DYNC2H1: variants seen among roughly 807,000 people sequenced by gnomAD.
DYNC2H1 encodes the protein dynein cytoplasmic 2 heavy chain 1, also known as cytoplasmic dynein 2 heavy chain 1.
A neutral mutation model predicts 570.0 loss-of-function variants in DYNC2H1; 410 were observed. The ratio of observed to expected loss-of-function variants is 0.72; its 90% CI spans 0.66 to 0.78. The LOEUF (loss-of-function observed/expected upper bound fraction) is 0.78. Among genes scored for constraint, DYNC2H1 ranks in the 30% least tolerant of loss-of-function variants. The pLI, the probability that DYNC2H1 is intolerant of heterozygous loss-of-function variation, is 0.00. For missense variants in DYNC2H1, 4,865 were observed against 5,046.4 expected, an observed-to-expected ratio of 0.96 and a Z score of 1.09; for synonymous variants, 1,688 against 1,677.6, an observed-to-expected ratio of 1.01 and a Z score of -0.15.
Position 103,305,562 on chromosome 11 carries a change from G to GTAAT in DYNC2H1, c.11382+860_11382+863dup, listed in dbSNP as rs764072680. On this transcript the variant is annotated intron_variant, in intron 77 of 88. Coordinates refer to ENST00000375735, the MANE Select transcript of DYNC2H1 (RefSeq NM_001377.3). This position sits in a 1 kb window ranked among gnomAD's most constrained non-coding sequence, Gnocchi z 4.3. ...AAGGAGGTCCTTAACAGAGAAGTTA[G>GTAAT]TAATTAATTAATTAATTAATTTTTT... Among the ~76,000 whole-genome samples, 14 of 152,066 alleles carry GTAAT rather than the reference G, an allele frequency of 9.2e-5. No individual in the cohort carries two copies. Among genetic ancestry groups the GTAAT allele is most frequent in the Non-Finnish European group, 1.8e-4 (12 of 68,012 alleles).
chr11:103,391,712 A>G (rs371520031), intron 83 of DYNC2H1, among the ~76,000 whole-genome samples: 1 of 152,266 alleles, frequency 6.6e-6, no homozygotes, highest in Non-Finnish European at 1.5e-5. Context: ...TTTTCCTTCT[A>G]ACAGTAAAGA....
intron 83 of DYNC2H1, among the ~76,000 whole-genome samples, chr11:103,397,858 G>A (rs1177836396): frequency 6.6e-6 from 1 of 152,136 alleles, no homozygotes; most frequent in Non-Finnish European, 1.5e-5. Flanking sequence ...CAGCCTTGGT[G>A]ACAGACAGAG....
chr11:103,181,953 T>C lies in DYNC2H1; in HGVS notation c.6477+67T>C, dbSNP rs1048610666. 9.9e-6 allele frequency: 15 copies of C among 1,520,568 alleles called. No individual in the cohort carries two copies. Among genetic ancestry groups the C allele is most frequent in the Non-Finnish European group, 1.3e-5 (15 of 1,124,040 alleles). 94.2% of individuals were successfully genotyped at this position (1,520,568 alleles called of 1,614,324 possible). The stretch of plus-strand genomic sequence containing the variant: ...GTATGATTAAGAGTGATGCTTATTT[T>C]AACTTCCTTGTGGTAGAACTCTGCT... On this transcript the variant is annotated intron_variant, in intron 40 of 88. Transcript: ENST00000375735. The surrounding 1 kb of genome is among the most constrained non-coding windows in gnomAD (Gnocchi z 5.0).
chr11:103,118,499 C>G (rs1858536716), intron 6 of DYNC2H1, among the ~76,000 whole-genome samples: 3 of 152,078 alleles, frequency 2.0e-5, no homozygotes, highest in Admixed American at 2.0e-4. Flanking sequence ...TCTTTGTCTT[C>G]CCTGCCTTTC....
At chr11:103,212,845 G>C (rs1565400455) in intron 54 of DYNC2H1, among the ~76,000 whole-genome samples, 1 of 151,986 alleles carries the variant, frequency 6.6e-6, no homozygotes. Context: ...AGTTCTCTAT[G>C]GTACTTTGGA....
In DYNC2H1 at chr11:103,252,205, G is replaced by A. The variant is rs117618556; in HGVS notation, c.10043-1080G>A. On this transcript the variant is annotated intron_variant, in intron 65 of 88. Coordinates refer to ENST00000375735, the MANE Select transcript of DYNC2H1 (RefSeq NM_001377.3). The surrounding 1 kb of genome is among the most constrained non-coding windows in gnomAD (Gnocchi z 4.6). ...CCGTCTCAACCTCCCAAAATGATGC[G>A]ATTACAGGCATAAGCAGCCGTGCCT... 0.017 allele frequency among the ~76,000 whole-genome samples: 2,594 copies of A among 151,680 alleles called. 35 individuals are homozygous for A. The highest frequency in any genetic ancestry group is 0.026 in the Non-Finnish European group (1,755 of 67,930).
intron 70 of DYNC2H1, among the ~76,000 whole-genome samples, chr11:103,278,558 T>G (rs1365995652): frequency 2.0e-5 from 3 of 152,106 alleles, no homozygotes; most frequent in Non-Finnish European, 2.9e-5. Flanking sequence ...TCTGGACCTG[T>G]GTGGGTTCTT....
Position 103,461,799 on chromosome 11 carries a change from A to G in DYNC2H1, c.12648+5443A>G, listed in dbSNP as rs1392831794. Among the ~76,000 whole-genome samples the G allele has an allele frequency of 6.6e-6, 1 of 152,124 alleles. No individual in the cohort carries two copies. The highest frequency in any genetic ancestry group is 1.5e-5 in the Non-Finnish European group (1 of 68,014). On this transcript the variant is annotated intron_variant, in intron 87 of 88. Coordinates refer to ENST00000375735, the MANE Select transcript of DYNC2H1 (RefSeq NM_001377.3). This position sits in a 1 kb window ranked among gnomAD's most constrained non-coding sequence, Gnocchi z 4.8. ...AAACAAATACAGAAGAGAGAGTAGT[A>G]AAATGAGTCTGCATATTTCAAGGTT...
At chr11:103,266,829 G>A (rs117090543) in intron 70 of DYNC2H1, among the ~76,000 whole-genome samples, 2,174 of 152,286 alleles carry the variant, frequency 0.014, 21 homozygotes, top group Middle Eastern at 0.041. Flanking sequence ...TGGGGCTTCC[G>A]GAGATGCCAG....
chr11:103,134,483 T>C, intron 15 of DYNC2H1, 64 bp downstream of exon 15: 2 of 1,295,078 alleles, frequency 1.5e-6, no homozygotes, highest in Non-Finnish European at 2.1e-6. Context: ...GTAAGTACAA[T>C]ATATGAATTG....
intron 84 of DYNC2H1, among the ~76,000 whole-genome samples, chr11:103,411,015 G>A (rs1943063101): frequency 1.3e-5 from 2 of 152,108 alleles, no homozygotes; most frequent in South Asian, 4.1e-4. Context: ...CTGGGGTGGG[G>A]ATGCTTGCAT....
At position 103,253,358 on chromosome 11, in the gene DYNC2H1, A is replaced by G; in HGVS notation, c.10116A>G (p.Thr3372=). 6.2e-7 allele frequency: 1 copy of G among 1,613,462 alleles called. No homozygotes were observed. The highest frequency in any genetic ancestry group is 8.5e-7 in the Non-Finnish European group (1 of 1,179,556). ...AAGAATTCCGCCTCTTTTTGTCAACAAGAAACCCAAATCCTTTTATTCCAC... is the reference window on the plus strand; with the variant it reads ...AAGAATTCCGCCTCTTTTTGTCAACGAGAAACCCAAATCCTTTTATTCCAC... ...YNEEFRLFLS[T]RNPNPFIPPD... Residue 3372 remains threonine (T), a synonymous_variant, in exon 66 of 89, where the codon ACA becomes ACG. Coordinates refer to ENST00000375735, the MANE Select transcript of DYNC2H1 (RefSeq NM_001377.3).
At position 103,316,545 on chromosome 11, in the gene DYNC2H1, G is replaced by A. The variant is rs1443681125; in HGVS notation, c.11650G>A (p.Gly3884Ser). 4.5e-6 allele frequency: 7 copies of A among 1,546,790 alleles called. No individual in the cohort carries two copies. The highest frequency in any genetic ancestry group is 5.2e-6 in the Non-Finnish European group (6 of 1,146,798). ...CQERRNYIPQGWTKFYEFSLS... is the reference protein window; with the variant it reads ...CQERRNYIPQSWTKFYEFSLS... Reference sequence around the variant, plus strand: ...ACTTAAAAAAATTGTTTTTTGACAGGGTTGGACAAAGTTTTATGAATTTTC... The same window carrying A: ...ACTTAAAAAAATTGTTTTTTGACAGAGTTGGACAAAGTTTTATGAATTTTC... The change falls in exon 80 of 89, where the codon GGT (glycine) becomes AGT (serine). Residue 3884 changes from glycine (G) to serine (S), a missense_variant and splice_region_variant. Transcript: ENST00000375735.
intron 70 of DYNC2H1, among the ~76,000 whole-genome samples, chr11:103,273,957 C>G (rs1265358116): frequency 6.6e-6 from 1 of 152,012 alleles, no homozygotes; most frequent in African/African-American, 2.4e-5. Context: ...GTTTTGGGCT[C>G]AGTAATAATT....
intron 75 of DYNC2H1, among the ~76,000 whole-genome samples, chr11:103,291,368 C>T (rs983912247): frequency 1.3e-4 from 20 of 151,980 alleles, no homozygotes; most frequent in African/African-American, 3.6e-4. Flanking sequence ...ACCCACAAGG[C>T]GAAGGGTTGC....
Position 103,129,714 on chromosome 11 carries a change from T to C in DYNC2H1, c.1953+709T>C, listed in dbSNP as rs1343389193. Among the ~76,000 whole-genome samples the C allele has an allele frequency of 6.6e-6, 1 of 151,880 alleles. No homozygotes were observed. Among genetic ancestry groups the C allele is most frequent in the African/African-American group, 2.4e-5 (1 of 41,356 alleles). On this transcript the variant is annotated intron_variant, in intron 13 of 88. Transcript: ENST00000375735. This position sits in a 1 kb window ranked among gnomAD's most constrained non-coding sequence, Gnocchi z 4.1. ...AAGAAAAAAAAGAAAGAAAAAGAAA[T>C]TAGGAAAACCCATAATAGCGTTTAA...
intron 83 of DYNC2H1, among the ~76,000 whole-genome samples, chr11:103,366,879 T>G (rs1940932039): frequency 6.6e-6 from 1 of 152,162 alleles, no homozygotes. Context: ...AAATTTGATA[T>G]CCCTTTGATA....
chr11:103,269,796 G>A (rs1455190933), intron 70 of DYNC2H1, among the ~76,000 whole-genome samples: 1 of 152,146 alleles, frequency 6.6e-6, no homozygotes, highest in East Asian at 1.9e-4. Context: ...TTATATCTAA[G>A]TACCTTTATG....
At chr11:103,306,531 A>T (rs1867291403) in intron 77 of DYNC2H1, among the ~76,000 whole-genome samples, 1 of 151,996 alleles carries the variant, frequency 6.6e-6, no homozygotes, top group East Asian at 1.9e-4. Flanking sequence ...TACCTTTTAA[A>T]TTTTTTTAGA....
Sources: allele counts gnomAD v4.1 joint callset (sites outside exome capture counted in the v4.1 genomes callset), GRCh38; gene constraint gnomAD v4.1.1; non-coding constraint Gnocchi (gnomAD v3.1); transcripts MANE v1.5; gene names NCBI Gene and HGNC (gene_info 2026-07-23, HGNC 2026-07-21).